The following NBEA variants were observed in gnomAD, a reference collection of about 807,000 sequenced individuals.
NBEA encodes neurobeachin, also known as lysosomal-trafficking regulator 2.
A neutral mutation model predicts 343.4 loss-of-function variants in NBEA; 44 were observed. That is an observed-to-expected ratio of 0.13 (90% CI 0.10 to 0.16). The LOEUF (loss-of-function observed/expected upper bound fraction) is 0.16. Among genes scored for constraint, NBEA ranks in the 10% least tolerant of loss-of-function variants. The pLI, the probability that NBEA is intolerant of heterozygous loss-of-function variation, is 1.00. For missense variants in NBEA, 2,555 were observed against 3,631.3 expected (o/e 0.70, Z 7.62); for synonymous variants, 1,175 against 1,238.7 (o/e 0.95, Z 1.08).
At chr13:35,087,641 G>A (rs2064842772) in intron 10 of NBEA, among the ~76,000 whole-genome samples, 1 of 151,840 alleles carries the variant, frequency 6.6e-6, no homozygotes, top group Admixed American at 6.6e-5. Context: ...ATCATGAACA[G>A]CTTCAGAACT....
chr13:34,958,196 A>T (rs2059558536), intron 1 of NBEA, among the ~76,000 whole-genome samples: 1 of 152,080 alleles, frequency 6.6e-6, no homozygotes. Flanking sequence ...TTATATATGT[A>T]CCTCACATTA....
intron 49 of NBEA, among the ~76,000 whole-genome samples, chr13:35,634,099 C>T (rs1338598747): frequency 2.6e-5 from 4 of 152,246 alleles, no homozygotes; most frequent in East Asian, 3.9e-4. Flanking sequence ...AATCCCAGCA[C>T]TTTGGAAAGC....
rs2034701646 is a variant in NBEA, at chr13:35,277,646, AAAGT to A, written c.5777-12742_5777-12739del. On this transcript the variant is annotated intron_variant, in intron 34 of 58. Coordinates refer to ENST00000379939, the MANE Select transcript of NBEA (RefSeq NM_001385012.1). ...CCAAAAAAAAAAAAAAAAAAAAAAA[AAAGT>A]GGGGGAAACAACATATGTATGCAAA... Among the ~76,000 whole-genome samples, 6 of 132,900 alleles carry A rather than the reference AAAGT, an allele frequency of 4.5e-5. 1 individual carries two copies. Among genetic ancestry groups the A allele is most frequent in the African/African-American group, 1.6e-4 (6 of 36,942 alleles). The allele number at this position is 132,900 out of a possible 152,430, so 87.2% of individuals were successfully genotyped here. A position where few individuals can be genotyped will look rare whatever the true frequency, so the allele number is the denominator to read the frequency against.
intron 38 of NBEA, among the ~76,000 whole-genome samples, chr13:35,407,694 C>T (rs1294105665): frequency 1.3e-5 from 2 of 152,056 alleles, no homozygotes; most frequent in African/African-American, 2.4e-5. Context: ...ATTAAAATCA[C>T]GAGCATTGCT....
chr13:35,489,215 G>A (rs1056384487), intron 41 of NBEA, among the ~76,000 whole-genome samples: 4 of 151,796 alleles, frequency 2.6e-5, no homozygotes, highest in African/African-American at 9.7e-5. Context: ...GAATAAAGAA[G>A]TCCAGTGCGT....
chr13:35,026,785 A>G (rs1168804568), intron 1 of NBEA, among the ~76,000 whole-genome samples: 2 of 152,102 alleles, frequency 1.3e-5, no homozygotes, highest in Non-Finnish European at 2.9e-5. Flanking sequence ...ATAATATATT[A>G]TATTAAACTC....
intron 41 of NBEA, among the ~76,000 whole-genome samples, chr13:35,487,188 T>G (rs1206646928): frequency 6.6e-6 from 1 of 151,922 alleles, no homozygotes; most frequent in African/African-American, 2.4e-5. Context: ...CTGTAGTAAA[T>G]TATTCTTTGG....
chr13:35,415,410 A>G (rs2043845177), intron 38 of NBEA, among the ~76,000 whole-genome samples: 1 of 152,170 alleles, frequency 6.6e-6, no homozygotes, highest in Non-Finnish European at 1.5e-5. Context: ...TAATTTTTGT[A>G]TAAGATGTGA....
chr13:35,655,001 A>G lies in NBEA; in HGVS notation c.8182A>G (p.Thr2728Ala). 2 of 1,537,650 alleles carry G rather than the reference A, an allele frequency of 1.3e-6. No homozygotes were observed. The highest frequency in any genetic ancestry group is 1.7e-6 in the Non-Finnish European group (2 of 1,149,226). The change falls in exon 54 of 59, where the codon ACA (threonine) becomes GCA (alanine). Residue 2728 changes from threonine (T) to alanine (A), a missense_variant. Physicochemically the swap from Thr to Ala is moderately conservative, Grantham distance 58 (BLOSUM62 0). This residue lies in a region of NBEA where 186 missense variants were observed against 328.9 expected (regional missense o/e 0.57). Transcript: ENST00000379939. ...FWDKSFRVYSTETGKLTQIVF... is the reference protein window; with the variant it reads ...FWDKSFRVYSAETGKLTQIVF... ...GGATAAGAGCTTCAGAGTTTATTCT[A>G]CAGAAACAGGTAATCCTAACTATGA...
chr13:35,418,067 G>A (rs2044041907), intron 38 of NBEA, among the ~76,000 whole-genome samples: 1 of 152,064 alleles, frequency 6.6e-6, no homozygotes, highest in Admixed American at 6.6e-5. Context: ...TGCAACCCCT[G>A]CTTTGTTTTG....
intron 41 of NBEA, among the ~76,000 whole-genome samples, chr13:35,539,109 G>A (rs532363473): frequency 6.6e-6 from 1 of 152,284 alleles, no homozygotes; most frequent in Non-Finnish European, 1.5e-5. Flanking sequence ...ACTGCCATGT[G>A]CTAGGCTCTG....
chr13:35,270,861 A>G (rs1594021691), intron 34 of NBEA, among the ~76,000 whole-genome samples: 2 of 152,316 alleles, frequency 1.3e-5, no homozygotes, highest in Admixed American at 6.5e-5. Flanking sequence ...AACTGGGCAG[A>G]GCCCACCACA....
chr13:35,625,018 C>T (rs1043969590), intron 48 of NBEA, among the ~76,000 whole-genome samples: 1 of 151,900 alleles, frequency 6.6e-6, no homozygotes, highest in Non-Finnish European at 1.5e-5. Context: ...AACTCACTCA[C>T]TTTATAAACA....
chr13:35,358,830 G>A (rs981237978), intron 38 of NBEA, among the ~76,000 whole-genome samples: 1 of 152,204 alleles, frequency 6.6e-6, no homozygotes, highest in African/African-American at 2.4e-5. Context: ...TTTTAGATTA[G>A]GGAGTGAGGA....
intron 41 of NBEA, among the ~76,000 whole-genome samples, chr13:35,515,294 C>T (rs2077440293): frequency 6.6e-6 from 1 of 152,172 alleles, no homozygotes; most frequent in Admixed American, 6.6e-5. Context: ...CTCTTTGCTC[C>T]TGAAATTCCA....
chr13:35,171,260 A>G lies in NBEA; in HGVS notation c.4243-12A>G, dbSNP rs2070443310. Reference sequence around the variant, plus strand: ...ATTTTAAACAAGACTTAAATCTTCTACTTTTTTAAAGACGGAATTGGAAAA... The same window carrying G: ...ATTTTAAACAAGACTTAAATCTTCTGCTTTTTTAAAGACGGAATTGGAAAA... On this transcript the variant is annotated splice_polypyrimidine_tract_variant and intron_variant, in intron 25 of 58. Transcript: ENST00000379939. 6.2e-7 allele frequency: 1 copy of G among 1,605,216 alleles called. No homozygotes were observed. The highest frequency in any genetic ancestry group is 1.7e-4 in the Middle Eastern group (1 of 6,020).
At chr13:35,401,012 A>C (rs1264080796) in intron 38 of NBEA, among the ~76,000 whole-genome samples, 1 of 152,008 alleles carries the variant, frequency 6.6e-6, no homozygotes, top group Non-Finnish European at 1.5e-5. Flanking sequence ...CCCCAGCAGA[A>C]TTCATAATTC....
At chr13:35,326,729 A>G (rs985975991) in intron 36 of NBEA, among the ~76,000 whole-genome samples, 1 of 151,918 alleles carries the variant, frequency 6.6e-6, no homozygotes, top group East Asian at 1.9e-4. Context: ...CTCAAGTGGA[A>G]TTATTCCCAT....
intron 1 of NBEA, among the ~76,000 whole-genome samples, chr13:34,994,198 C>CAAAAA (rs57966701): frequency 3.3e-5 from 1 of 29,918 alleles, no homozygotes; most frequent in African/African-American, 7.2e-5. Context: ...GCTCTGTCTC[C>CAAAAA]AAAAAAAAAA....
Sources: gnomAD v4.1 joint callset for allele counts (sites outside exome capture counted in the v4.1 genomes callset) on GRCh38, gnomAD v4.1.1 for gene constraint, gnomAD v4.1.1 regional missense constraint, MANE v1.5 for transcripts, NCBI Gene and HGNC (gene_info 2026-07-23, HGNC 2026-07-21) for gene names.